The following PCDHA11 variants were observed in gnomAD, a reference collection of about 807,000 sequenced individuals.
PCDHA11 encodes protocadherin alpha-11.
Under a neutral mutation model 70.3 loss-of-function variants are expected in PCDHA11, and 61 were observed. The ratio of observed to expected loss-of-function variants is 0.87; its 90% CI spans 0.71 to 1.07. The LOEUF is 1.07. PCDHA11 is among the 50% of genes least tolerant of loss of function. The pLI is 0.00. For missense variants in PCDHA11, 1,324 were observed against 1,237.5 expected (o/e 1.07, Z -1.05); for synonymous variants, 633 against 555.1 (o/e 1.14, Z -1.97).
chr5:140,946,326 A>T (rs1554217498), intron 1 of PCDHA11, among the ~76,000 whole-genome samples: 1 of 151,914 alleles, frequency 6.6e-6, no homozygotes, highest in East Asian at 1.9e-4. Context: ...GAAAGAGGAA[A>T]GATAACAAGT....
At chr5:140,968,540 G>A (rs1554230842) in intron 1 of PCDHA11, 8 of 1,614,064 alleles carry the variant, frequency 5.0e-6, no homozygotes, top group Non-Finnish European at 1.7e-6. Context: ...AGCAGCCTTC[G>A]AGATGGTGCC....
At chr5:140,990,740 G>A (rs76434886) in intron 3 of PCDHA11, among the ~76,000 whole-genome samples, 1 of 152,170 alleles carries the variant, frequency 6.6e-6, no homozygotes, top group African/African-American at 2.4e-5. Flanking sequence ...AACAGCCCTA[G>A]GGTGGATACC....
At chr5:140,905,622 T>G (rs962403940) in intron 1 of PCDHA11, among the ~76,000 whole-genome samples, 3 of 152,236 alleles carry the variant, frequency 2.0e-5, no homozygotes, top group Non-Finnish European at 4.4e-5. Context: ...AGATTGCTTT[T>G]GACAGTATGG....
chr5:140,999,537 C>G, intron 3 of PCDHA11, among the ~76,000 whole-genome samples: 1 of 152,266 alleles, frequency 6.6e-6, no homozygotes, highest in Non-Finnish European at 1.5e-5. Context: ...CTGGATATGA[C>G]AGCCAATGAA....
Position 140,870,054 on chromosome 5 carries a change from T to A in PCDHA11, c.951T>A (p.Ile317=), listed in dbSNP as rs895309313. Residue 317 remains isoleucine, a synonymous_variant, in exon 1 of 4, where the codon ATT becomes ATA. Transcript: ENST00000398640. Reference sequence around the variant, plus strand: ...ATGAAGAAAACAAGTTTTATAAAATTGAAGTACAGGCTACAGATAAGGGGA... The same window carrying A: ...ATGAAGAAAACAAGTTTTATAAAATAGAAGTACAGGCTACAGATAAGGGGA... The part of the protein sequence containing the change: ...LDYEENKFYK[I]EVQATDKGTP... 2 of 1,613,676 alleles carry A rather than the reference T, an allele frequency of 1.2e-6. No homozygotes were observed. Among genetic ancestry groups the A allele is most frequent in the African/African-American group, 2.7e-5 (2 of 74,916 alleles).
intron 1 of PCDHA11, chr5:140,875,720 T>C (rs1554167893): frequency 1.9e-6 from 3 of 1,614,092 alleles, no homozygotes; most frequent in Non-Finnish European, 1.7e-6. Context: ...CAGAATGGCA[T>C]TTTGTTTGTG....
intron 1 of PCDHA11, chr5:140,968,552 C>T (rs370640529): frequency 1.2e-6 from 2 of 1,614,184 alleles, no homozygotes; most frequent in Non-Finnish European, 1.7e-6. Flanking sequence ...GATGGTGCCT[C>T]GAACTGCCCC....
chr5:140,967,837 C>T (rs2096189054), intron 1 of PCDHA11: 4 of 1,613,994 alleles, frequency 2.5e-6, no homozygotes, highest in African/African-American at 2.7e-5. Context: ...ACATCGTGGA[C>T]GTGAATGACA....
intron 3 of PCDHA11, among the ~76,000 whole-genome samples, chr5:140,983,914 AGGATT>A (rs1327360241): frequency 6.6e-6 from 1 of 152,244 alleles, no homozygotes; most frequent in Non-Finnish European, 1.5e-5. Flanking sequence ...CTAATCAGCC[AGGATT>A]TGCTATTTAT....
At chr5:140,961,558 A>T (rs1285175060) in intron 1 of PCDHA11, among the ~76,000 whole-genome samples, 1 of 151,976 alleles carries the variant, frequency 6.6e-6, no homozygotes, top group Admixed American at 6.6e-5. Context: ...TTCTTTTTTT[A>T]AATTTTGTTT....
At chr5:140,932,707 A>G (rs147056775) in intron 1 of PCDHA11, among the ~76,000 whole-genome samples, 1 of 152,086 alleles carries the variant, frequency 6.6e-6, no homozygotes, top group African/African-American at 2.4e-5. Flanking sequence ...CATATAGACA[A>G]CACAATAATA....
In PCDHA11 at chr5:141,012,013, G is replaced by A. The variant is rs181445737; in HGVS notation, c.*2076G>A. 25 of 153,796 alleles carry A rather than the reference G, an allele frequency of 1.6e-4. No homozygotes were observed. The highest frequency in any genetic ancestry group is 2.1e-4 in the South Asian group (1 of 4,818). 9.5% of individuals were successfully genotyped at this position (153,796 alleles called of 1,614,324 possible). A position where few individuals can be genotyped will look rare whatever the true frequency, so the allele number is the denominator to read the frequency against. ...CATTCTCCCATATTTTGAAGGGTGTGTAACTTCAGCTCTGCAGGATTGCAT... is the reference window on the plus strand; with the variant it reads ...CATTCTCCCATATTTTGAAGGGTGTATAACTTCAGCTCTGCAGGATTGCAT... On this transcript the variant is annotated 3_prime_UTR_variant, in exon 4 of 4. Transcript: ENST00000398640.
chr5:140,875,573 C>A, intron 1 of PCDHA11: 1 of 1,614,112 alleles, frequency 6.2e-7, no homozygotes, highest in Non-Finnish European at 8.5e-7. Context: ...CTCCACTACT[C>A]CGTCTACGAG....
intron 1 of PCDHA11, among the ~76,000 whole-genome samples, chr5:140,978,370 A>T (rs78042832): frequency 6.6e-6 from 1 of 152,200 alleles, no homozygotes; most frequent in Non-Finnish European, 1.5e-5. Context: ...AAACTCTGCA[A>T]TAGTTTGTTT....
At position 141,010,430 on chromosome 5, in the gene PCDHA11, A is replaced by T; in HGVS notation, c.*493A>T. On this transcript the variant is annotated 3_prime_UTR_variant, in exon 4 of 4. Transcript: ENST00000398640. ...CTAATTGGTACAAGGAAGGCAAGAA[A>T]ACAAAGACAAATAAACAGCGGAAGT... 9.4e-7 allele frequency: 1 copy of T among 1,058,474 alleles called. No homozygotes were observed. Among genetic ancestry groups the T allele is most frequent in the Non-Finnish European group, 1.3e-6 (1 of 756,992 alleles). 65.6% of individuals were successfully genotyped at this position (1,058,474 alleles called of 1,614,324 possible). A position where few individuals can be genotyped will look rare whatever the true frequency, so the allele number is the denominator to read the frequency against.
At chr5:140,875,769 C>A (rs782227729) in intron 1 of PCDHA11, 1 of 1,614,224 alleles carries the variant, frequency 6.2e-7, no homozygotes, top group South Asian at 1.1e-5. Context: ...GCGGGCGGAG[C>A]GCGGAGTGCA....
At chr5:140,969,761 T>C (rs886878870) in intron 1 of PCDHA11, among the ~76,000 whole-genome samples, 1 of 152,234 alleles carries the variant, frequency 6.6e-6, no homozygotes, top group African/African-American at 2.4e-5. Flanking sequence ...TAAAAAGCTC[T>C]GAGGCCTCTA....
intron 1 of PCDHA11, among the ~76,000 whole-genome samples, chr5:140,959,089 C>T (rs150796442): frequency 0.023 from 3,565 of 152,100 alleles, 49 homozygotes; most frequent in Middle Eastern, 0.034. Context: ...TCCTTGGTTT[C>T]GGACATTCAG....
intron 1 of PCDHA11, chr5:140,882,291 G>A: frequency 6.2e-7 from 1 of 1,613,650 alleles, no homozygotes; most frequent in Non-Finnish European, 8.5e-7. Flanking sequence ...TGGCAAGGAG[G>A]CCCAAGACCG....
Sources: gnomAD v4.1 joint callset for allele counts (sites outside exome capture counted in the v4.1 genomes callset) on GRCh38, gnomAD v4.1.1 for gene constraint, MANE v1.5 for transcripts, NCBI Gene and HGNC (gene_info 2026-07-23, HGNC 2026-07-21) for gene names.